The following FHIT variants were observed in gnomAD, a reference collection of about 807,000 sequenced individuals.
FHIT encodes the protein bis(5'-adenosyl)-triphosphatase.
Under a neutral mutation model 17.9 loss-of-function variants are expected in FHIT, and 19 were observed. That is an observed-to-expected ratio of 1.06 (90% CI 0.74 to 1.56). The LOEUF (loss-of-function observed/expected upper bound fraction) is 1.56. Among genes scored for constraint, FHIT ranks in the 40% most tolerant of loss-of-function variants. The pLI is 0.00. For missense variants in FHIT, 248 were observed against 189.2 expected (o/e 1.31, Z -1.82); for synonymous variants, 81 against 69.7 (o/e 1.16, Z -0.81).
chr3:60,246,754 T>C (rs1390138279), intron 5 of FHIT, among the ~76,000 whole-genome samples: 2 of 152,166 alleles, frequency 1.3e-5, no homozygotes, highest in African/African-American at 4.8e-5. Flanking sequence ...TTACAAATTA[T>C]TGACCTTCTT....
intron 5 of FHIT, among the ~76,000 whole-genome samples, chr3:60,431,393 T>G (rs938237048): frequency 5.9e-5 from 9 of 151,730 alleles, no homozygotes; most frequent in African/African-American, 2.4e-5. Context: ...TCAGAACCAC[T>G]GCTCGCTCAC....
At chr3:60,527,601 C>A (rs896878473) in intron 5 of FHIT, among the ~76,000 whole-genome samples, 1 of 152,136 alleles carries the variant, frequency 6.6e-6, no homozygotes, top group Non-Finnish European at 1.5e-5. Flanking sequence ...AGGCTTAAAC[C>A]TTCTAGACTT....
intron 5 of FHIT, among the ~76,000 whole-genome samples, chr3:60,095,323 C>T (rs1703900727): frequency 6.6e-6 from 1 of 152,146 alleles, no homozygotes; most frequent in South Asian, 2.1e-4. Flanking sequence ...GTCTTGAAAT[C>T]GTTCCCACAC....
At chr3:60,340,075 T>A (rs1710440741) in intron 5 of FHIT, among the ~76,000 whole-genome samples, 2 of 151,978 alleles carry the variant, frequency 1.3e-5, no homozygotes, top group South Asian at 4.2e-4. Flanking sequence ...GGGTGTTTAA[T>A]TTTTTTTAAG....
At chr3:61,203,487 T>C (rs1025306245) in intron 1 of FHIT, among the ~76,000 whole-genome samples, 5 of 150,458 alleles carry the variant, frequency 3.3e-5, no homozygotes, top group Non-Finnish European at 7.4e-5. Flanking sequence ...CCAAAAGAAA[T>C]ACTAAAATAA....
At chr3:60,925,961 G>A (rs369754620) in intron 3 of FHIT, among the ~76,000 whole-genome samples, 1 of 152,154 alleles carries the variant, frequency 6.6e-6, no homozygotes, top group South Asian at 2.1e-4. Flanking sequence ...GACAAAGAAG[G>A]CCATTACATA....
chr3:60,532,298 C>T (rs1017512280), intron 5 of FHIT, among the ~76,000 whole-genome samples: 1 of 152,112 alleles, frequency 6.6e-6, no homozygotes, highest in Non-Finnish European at 1.5e-5. Flanking sequence ...GACGACAGAA[C>T]AAATGAATAA....
intron 4 of FHIT, among the ~76,000 whole-genome samples, chr3:60,819,983 T>C (rs1455231053): frequency 6.6e-6 from 1 of 152,180 alleles, no homozygotes; most frequent in Non-Finnish European, 1.5e-5. Context: ...CCAGAAACAA[T>C]ATATTTTATA....
intron 2 of FHIT, among the ~76,000 whole-genome samples, chr3:61,175,502 A>G (rs2038130987): frequency 6.6e-6 from 1 of 152,148 alleles, no homozygotes; most frequent in African/African-American, 2.4e-5. Flanking sequence ...GGTTTGAATG[A>G]TGGTGTCCCT....
intron 5 of FHIT, among the ~76,000 whole-genome samples, chr3:60,315,036 A>G (rs1024107086): frequency 1.3e-5 from 2 of 152,202 alleles, no homozygotes; most frequent in Admixed American, 6.5e-5. Context: ...TTGCTCTAAG[A>G]TAAGAAGTCT....
chr3:60,625,857 G>C (rs531175260), intron 4 of FHIT, among the ~76,000 whole-genome samples: 1 of 152,256 alleles, frequency 6.6e-6, no homozygotes, highest in South Asian at 2.1e-4. Flanking sequence ...TTCCTTCTAA[G>C]AGTTTTATAG....
intron 8 of FHIT, among the ~76,000 whole-genome samples, chr3:59,896,940 C>A (rs551454852): frequency 6.6e-6 from 1 of 152,040 alleles, no homozygotes; most frequent in African/African-American, 2.4e-5. Flanking sequence ...ATGTTAGCAA[C>A]GATTGGGAGG....
chr3:60,035,267 G>A (rs369743481), intron 5 of FHIT, among the ~76,000 whole-genome samples: 5 of 152,104 alleles, frequency 3.3e-5, no homozygotes, highest in East Asian at 1.9e-4. Context: ...CAAAAAGATC[G>A]CTCTTGTTGC....
intron 8 of FHIT, among the ~76,000 whole-genome samples, chr3:59,858,426 C>T (rs1477904269): frequency 2.0e-5 from 3 of 151,828 alleles, no homozygotes; most frequent in Non-Finnish European, 4.4e-5. Context: ...CGGGGTTTCA[C>T]CATGTTGGCC....
intron 5 of FHIT, among the ~76,000 whole-genome samples, chr3:60,270,067 A>G (rs1706785700): frequency 1.3e-5 from 2 of 152,184 alleles, no homozygotes; most frequent in Admixed American, 1.3e-4. Flanking sequence ...AGCCAATCAG[A>G]TTCTCAGTCC....
At chr3:60,371,961 A>T (rs1476560248) in intron 5 of FHIT, among the ~76,000 whole-genome samples, 3 of 152,210 alleles carry the variant, frequency 2.0e-5, no homozygotes, top group Non-Finnish European at 4.4e-5. Flanking sequence ...CAATTATGTA[A>T]AAATTGGCAC....
At chr3:61,222,528 G>A (rs17064660) in intron 1 of FHIT, among the ~76,000 whole-genome samples, 37,632 of 152,074 alleles carry the variant, frequency 0.25, 5,229 homozygotes, top group East Asian at 0.49. Context: ...TTCTAGCAGC[G>A]TTATTCTGAG....
intron 8 of FHIT, among the ~76,000 whole-genome samples, chr3:59,908,127 G>C (rs944342205): frequency 1.9e-4 from 29 of 152,302 alleles, no homozygotes; most frequent in African/African-American, 6.5e-4. Flanking sequence ...TGAAAGATTG[G>C]TACATAGGCA....
chr3:60,500,546 G>C (rs1024301393), intron 5 of FHIT, among the ~76,000 whole-genome samples: 3 of 151,986 alleles, frequency 2.0e-5, no homozygotes, highest in Non-Finnish European at 4.4e-5. Context: ...AAGGTGGGTG[G>C]ATCATTTGAG....
Sources: allele counts gnomAD v4.1 joint callset (sites outside exome capture counted in the v4.1 genomes callset), GRCh38; gene constraint gnomAD v4.1.1; transcripts MANE v1.5; gene names NCBI Gene and HGNC (gene_info 2026-07-23, HGNC 2026-07-21).